Variants in SLAMF1 observed in about 807,000 individuals in gnomAD.
The protein encoded by SLAMF1 is signaling lymphocytic activation molecule.
SLAMF1 carries 18 observed loss-of-function variants against 35.1 expected under a neutral mutation model. The ratio of observed to expected loss-of-function variants is 0.51; its 90% CI spans 0.35 to 0.76. SLAMF1 has a LOEUF of 0.76. Ranked by LOEUF, SLAMF1 falls within the 30% of genes least tolerant of loss-of-function variation. The pLI, the probability that SLAMF1 is intolerant of heterozygous loss-of-function variation, is 0.01. For synonymous variants in SLAMF1, 168 were observed against 157.2 expected, an observed-to-expected ratio of 1.07 and a Z score of -0.51; for missense variants, 392 against 413.0, an observed-to-expected ratio of 0.95 and a Z score of 0.44.
At chr1:160,631,289 G>A (rs1035885846) in intron 3 of SLAMF1, among the ~76,000 whole-genome samples, 1 of 152,246 alleles carries the variant, frequency 6.6e-6, no homozygotes, top group African/African-American at 2.4e-5. Context: ...TGGTTCTGAG[G>A]CAGGGAAGGT....
intron 5 of SLAMF1, among the ~76,000 whole-genome samples, chr1:160,614,974 T>C (rs1659212194): frequency 6.6e-6 from 1 of 152,192 alleles, no homozygotes; most frequent in Non-Finnish European, 1.5e-5. Flanking sequence ...GCCGCTGGAA[T>C]TAATTCTGCA....
intron 3 of SLAMF1, among the ~76,000 whole-genome samples, chr1:160,626,315 C>T (rs1456268109): frequency 6.6e-5 from 10 of 152,158 alleles, no homozygotes; most frequent in Admixed American, 5.9e-4. Context: ...CAGAAACTAA[C>T]GATGACTGGG....
In SLAMF1 at chr1:160,642,919, T is replaced by A. The variant is rs1201230429; in HGVS notation, c.76+3951A>T. Among the ~76,000 whole-genome samples the A allele has an allele frequency of 2.0e-5, 3 of 152,166 alleles. No homozygotes were observed. Among genetic ancestry groups the A allele is most frequent in the African/African-American group, 7.2e-5 (3 of 41,418 alleles). On this transcript the variant is annotated intron_variant, in intron 1 of 6. Transcript: ENST00000302035. The surrounding 1 kb of genome is among the most constrained non-coding windows in gnomAD (Gnocchi z 4.2). The stretch of plus-strand genomic sequence containing the variant: ...TAAAAATCAAGCCCATCGGACCCAT[T>A]TATTTGGGGCTAAGTTTTTAATATT...
intron 3 of SLAMF1, among the ~76,000 whole-genome samples, chr1:160,627,208 G>C (rs1410385666): frequency 2.6e-5 from 4 of 152,194 alleles, no homozygotes; most frequent in Non-Finnish European, 5.9e-5. Flanking sequence ...AGTTCACAGT[G>C]TTGTTCTGAG....
chr1:160,645,613 A>T (rs1166853568), intron 1 of SLAMF1, among the ~76,000 whole-genome samples: 1 of 152,180 alleles, frequency 6.6e-6, no homozygotes, highest in Non-Finnish European at 1.5e-5. Context: ...GTGCTCCAGA[A>T]ATGGTGCAGT....
rs1416303523 is a variant in SLAMF1, at chr1:160,610,321, G to C, written c.*427C>G. 2.2e-6 allele frequency: 1 copy of C among 457,316 alleles called. No homozygotes were observed. The highest frequency in any genetic ancestry group is 4.4e-6 in the Non-Finnish European group (1 of 227,430). 28.3% of individuals were successfully genotyped at this position (457,316 alleles called of 1,614,324 possible). On this transcript the variant is annotated 3_prime_UTR_variant, in exon 7 of 7. Coordinates refer to ENST00000302035, the MANE Select transcript of SLAMF1 (RefSeq NM_003037.5). ...TGATCAGCTCCCAGAACAAAGTAAA[G>C]ATAGCCAAAATGTAAACTTTTCCAG...
chr1:160,621,079 T>C (rs1005530791), intron 4 of SLAMF1, among the ~76,000 whole-genome samples: 5 of 152,200 alleles, frequency 3.3e-5, no homozygotes, highest in African/African-American at 1.2e-4. Context: ...CCTATCTCAT[T>C]CTTTCTAAAG....
At chr1:160,640,359 T>TATATATATATAC (rs1361053277) in intron 1 of SLAMF1, among the ~76,000 whole-genome samples, 688 of 122,170 alleles carry the variant, frequency 5.6e-3, no homozygotes, top group East Asian at 0.023. Flanking sequence ...TATATATATA[T>TATATATATATAC]ACACACACAC....
intron 1 of SLAMF1, among the ~76,000 whole-genome samples, chr1:160,638,334 T>A (rs1660559953): frequency 2.0e-5 from 3 of 152,142 alleles, no homozygotes. Context: ...AACTTCCACT[T>A]ATTACCACCA....
Position 160,647,007 on chromosome 1 carries a change from G to T in SLAMF1, c.-62C>A. 1 of 834,738 alleles carries T rather than the reference G, an allele frequency of 1.2e-6. No homozygotes were observed. The allele number at this position is 834,738 out of a possible 1,614,324, so 51.7% of individuals were successfully genotyped here. A position where few individuals can be genotyped will look rare whatever the true frequency, so the allele number is the denominator to read the frequency against. ...CCTGGCAGCTGCTCACAGATGCCAGGCAGAAGCAAGCTTCGTGTCATGCAG... is the reference window on the plus strand; with the variant it reads ...CCTGGCAGCTGCTCACAGATGCCAGTCAGAAGCAAGCTTCGTGTCATGCAG... On this transcript the variant is annotated 5_prime_UTR_variant, in exon 1 of 7. Transcript: ENST00000302035.
intron 3 of SLAMF1, among the ~76,000 whole-genome samples, chr1:160,632,921 A>G (rs1043015788): frequency 1.3e-5 from 2 of 152,194 alleles, no homozygotes; most frequent in Non-Finnish European, 2.9e-5. Flanking sequence ...TAACCATGTT[A>G]TAGCTTTGTT....
chr1:160,634,794 A>C lies in SLAMF1; in HGVS notation c.519T>G (p.Ala173=). The C allele has an allele frequency of 6.2e-7, 1 of 1,614,060 alleles. No individual in the cohort carries two copies. Among genetic ancestry groups the C allele is most frequent in the Non-Finnish European group, 8.5e-7 (1 of 1,180,006 alleles). The change falls in exon 3 of 7, where the codon GCT becomes GCG. Residue 173 remains alanine (A), a synonymous_variant. Coordinates refer to ENST00000302035, the MANE Select transcript of SLAMF1 (RefSeq NM_003037.5). The stretch of plus-strand genomic sequence containing the variant: ...TGCCCGCCTTTTCACTCCAGCTGTA[A>C]GCCACATGGTCCCCCTTCTCCACTG... The part of the protein sequence containing the change: ...GCTVEKGDHV[A]YSWSEKAGTH...
rs536845269 is a variant in SLAMF1 at position 160,637,616 on chromosome 1, C to A, written c.77-87G>T. 113 of 951,830 alleles carry A rather than the reference C, an allele frequency of 1.2e-4. No homozygotes were observed. The African/African-American group carries it at 1.7e-3, about 15-fold the overall frequency. The allele number at this position is 951,830 out of a possible 1,614,324, so 59.0% of individuals were successfully genotyped here. On this transcript the variant is annotated intron_variant, in intron 1 of 6. Coordinates refer to ENST00000302035, the MANE Select transcript of SLAMF1 (RefSeq NM_003037.5). ...CAGATCAGGAAGGACAGACTGGAGG[C>A]TCTCCCTCTTCCTCTTTGGCTATCC...
At chr1:160,645,434 G>T (rs908085327) in intron 1 of SLAMF1, among the ~76,000 whole-genome samples, 6 of 152,258 alleles carry the variant, frequency 3.9e-5, no homozygotes, top group African/African-American at 1.4e-4. Context: ...GGGCTGGGTT[G>T]CTTCTCCCTG....
intron 5 of SLAMF1, among the ~76,000 whole-genome samples, chr1:160,615,993 G>T (rs1368644702): frequency 1.3e-5 from 2 of 152,178 alleles, no homozygotes; most frequent in African/African-American, 4.8e-5. Flanking sequence ...AACTGTTAGA[G>T]AATAAATTTC....
chr1:160,646,906 A>G lies in SLAMF1; in HGVS notation c.40T>C (p.Phe14Leu). 1 of 1,609,488 alleles carries G rather than the reference A, an allele frequency of 6.2e-7. No individual in the cohort carries two copies. The highest frequency in any genetic ancestry group is 1.1e-5 in the South Asian group (1 of 90,930). The change falls in exon 1 of 7, where the codon TTT becomes CTT. Residue 14 changes from phenylalanine (F) to leucine (L), a missense_variant. Physicochemically the swap from Phe to Leu is conservative, Grantham distance 22 (BLOSUM62 0). Coordinates refer to ENST00000302035, the MANE Select transcript of SLAMF1 (RefSeq NM_003037.5). The part of the protein sequence containing the change: ...KGLLSLTFVL[F>L]LSLAFGASYG... ...CTTGCCCCAAAAGCCAGGGAGAGAA[A>G]CAGCACGAAGGTCAAGGAGAGGAGC...
intron 5 of SLAMF1, among the ~76,000 whole-genome samples, chr1:160,616,262 A>G (rs1659295853): frequency 6.6e-6 from 1 of 152,164 alleles, no homozygotes; most frequent in Non-Finnish European, 1.5e-5. Context: ...ATTAAAGAAG[A>G]GTCCAGGAAG....
intron 2 of SLAMF1, 147 bp from the exon 3 acceptor site, chr1:160,635,044 A>T (rs1195922968): frequency 1.9e-5 from 13 of 682,670 alleles, no homozygotes; most frequent in Non-Finnish European, 2.5e-5. Flanking sequence ...CTATTGCTTC[A>T]CACTGTCCAT....
In SLAMF1 at chr1:160,612,494, A is replaced by G; in HGVS notation, c.951T>C (p.Ser317=). 5.6e-6 allele frequency: 9 copies of G among 1,607,662 alleles called. No individual in the cohort carries two copies. The highest frequency in any genetic ancestry group is 7.7e-6 in the Non-Finnish European group (9 of 1,174,774). ...YVAATEPVPE[S]VQETNSITVY... ...AGGCAGAGAGATGCCTCACCTGGAC[A>G]GACTCTGGGACAGGCTCTGTGGCAG... is the stretch of plus-strand genomic sequence containing the variant. Residue 317 remains serine, a synonymous_variant, in exon 6 of 7, where the codon TCT becomes TCC. Transcript: ENST00000302035.
Sources: gnomAD v4.1 joint callset for allele counts (sites outside exome capture counted in the v4.1 genomes callset) on GRCh38, gnomAD v4.1.1 for gene constraint, Gnocchi (gnomAD v3.1) non-coding constraint, MANE v1.5 for transcripts, NCBI Gene and HGNC (gene_info 2026-07-23, HGNC 2026-07-21) for gene names.